Variants in SNRNP70 observed in about 807,000 individuals in gnomAD.
SNRNP70 encodes the protein small nuclear ribonucleoprotein U1 subunit 70, also known as U1 small nuclear ribonucleoprotein 70 kDa.
Under a neutral mutation model 50.5 loss-of-function variants are expected in SNRNP70, and 8 were observed. The ratio of observed to expected loss-of-function variants is 0.16; its 90% CI spans 0.09 to 0.29. The LOEUF is 0.29. Among genes scored for constraint, SNRNP70 ranks in the 10% least tolerant of loss-of-function variants. The probability of loss-of-function intolerance (pLI) is 1.00; values close to 1 mark genes in which losing one functional copy is unlikely to be tolerated. For missense variants in SNRNP70, 529 were observed against 663.5 expected (o/e 0.80, Z 2.23); for synonymous variants, 320 against 252.9 (o/e 1.27, Z -2.52).
intron 2 of SNRNP70, 76 bp from the exon 3 acceptor site, chr19:49,090,215 G>GT (rs1600272446): frequency 2.2e-6 from 3 of 1,338,708 alleles, no homozygotes; most frequent in Middle Eastern, 2.5e-4. Flanking sequence ...GGGTTAACCT[G>GT]TTTATTTCCT....
Position 49,104,309 on chromosome 19 carries a change from T to G in SNRNP70, c.476-325T>G. ...TTAACCTTCAGTTTCTTTGCAGCGA[T>G]TTTGGCCGCCCTGGCGGGAGGGGGC... is the stretch of plus-strand genomic sequence containing the variant. On this transcript the variant is annotated intron_variant, in intron 7 of 9. Transcript: ENST00000598441. This position sits in a 1 kb window ranked among gnomAD's most constrained non-coding sequence, Gnocchi z 5.4. The G allele has an allele frequency of 7.4e-5, 21 of 282,168 alleles. No individual in the cohort carries two copies. The highest frequency in any genetic ancestry group is 1.7e-4 in the East Asian group (2 of 12,034). The allele number at this position is 282,168 out of a possible 1,614,324, so 17.5% of individuals were successfully genotyped here.
Position 49,108,431 on chromosome 19 carries a change from T to G in SNRNP70, c.1302T>G (p.Ala434=). Residue 434 remains alanine, a synonymous_variant, in exon 10 of 10, where the codon GCT becomes GCG. Coordinates refer to ENST00000598441, the MANE Select transcript of SNRNP70 (RefSeq NM_003089.6). ...CGGAGAATGGGTATTTGATGGAGGC[T>G]GCGCCGGAGTGAAGAGGTCGTCCTC... ...LAPENGYLME[A]APE 1 of 1,602,900 alleles carries G rather than the reference T, an allele frequency of 6.2e-7. No homozygotes were observed. The highest frequency in any genetic ancestry group is 2.3e-5 in the East Asian group (1 of 44,112).
chr19:49,104,607 C>T lies in SNRNP70; in HGVS notation c.476-27C>T, dbSNP rs750189127. ...AGAGGACCCTCTGGGGACTCCTCTC[C>T]CCTCCCCCTCCCCACATCTGTTACA... On this transcript the variant is annotated intron_variant, in intron 7 of 9. Transcript: ENST00000598441. This position sits in a 1 kb window ranked among gnomAD's most constrained non-coding sequence, Gnocchi z 5.4. 3.9e-6 allele frequency: 6 copies of T among 1,527,174 alleles called. No homozygotes were observed. The South Asian group carries it at 6.0e-5, about 15-fold the overall frequency. 94.6% of individuals were successfully genotyped at this position (1,527,174 alleles called of 1,614,324 possible).
chr19:49,091,382 A>G (rs1296484674), intron 4 of SNRNP70, among the ~76,000 whole-genome samples: 1 of 152,020 alleles, frequency 6.6e-6, no homozygotes, highest in Non-Finnish European at 1.5e-5. Context: ...TAAAAAAAAA[A>G]AAGATTATAC....
chr19:49,088,557 C>T lies in SNRNP70; in HGVS notation c.148-1734C>T, dbSNP rs147441116. ...TGTTGCCCAGGCTGGAGTGCAGTGG[C>T]GTGATCTAGGCTCACTGCAACTTCC... On this transcript the variant is annotated intron_variant, in intron 2 of 9. Transcript: ENST00000598441. Among the ~76,000 whole-genome samples, 576 of 140,812 alleles carry T rather than the reference C, an allele frequency of 4.1e-3. 3 individuals are homozygous for T. Among genetic ancestry groups the T allele is most frequent in the African/African-American group, 0.013 (496 of 37,160 alleles). 92.4% of individuals were successfully genotyped at this position (140,812 alleles called of 152,430 possible).
intron 4 of SNRNP70, among the ~76,000 whole-genome samples, chr19:49,091,975 A>G (rs1411904391): frequency 1.3e-5 from 2 of 151,962 alleles, no homozygotes; most frequent in Non-Finnish European, 2.9e-5. Flanking sequence ...TCTCACCAAG[A>G]CCTATTTGTG....
At chr19:49,089,552 T>C (rs1378058366) in intron 2 of SNRNP70, among the ~76,000 whole-genome samples, 1 of 152,024 alleles carries the variant, frequency 6.6e-6, no homozygotes, top group African/African-American at 2.4e-5. Context: ...GTGAAATTAC[T>C]GTAGAAGTTC....
chr19:49,102,276 C>G, intron 7 of SNRNP70: 1 of 794,810 alleles, frequency 1.3e-6, no homozygotes, highest in Middle Eastern at 3.5e-4. Context: ...TCCTCCCACC[C>G]CAGTCGCCCC....
intron 4 of SNRNP70, among the ~76,000 whole-genome samples, chr19:49,097,119 A>G (rs1022528736): frequency 4.0e-5 from 6 of 151,106 alleles, no homozygotes; most frequent in African/African-American, 9.9e-5. Flanking sequence ...CAACAGAGCA[A>G]GACTCTGTTT....
At chr19:49,099,085 T>C (rs886164280) in intron 6 of SNRNP70, among the ~76,000 whole-genome samples, 4 of 152,190 alleles carry the variant, frequency 2.6e-5, no homozygotes, top group Non-Finnish European at 2.9e-5. Flanking sequence ...AGAATACCTA[T>C]GCTGAGTCCC....
rs755556247 is a variant in SNRNP70, at chr19:49,085,562, G to A, written c.-85G>A. The stretch of plus-strand genomic sequence containing the variant: ...CCCCGGAGTGGAAGCCGAAGCAGGA[G>A]TTGTTGTTGCTGAGGGGCTGCCGCA... On this transcript the variant is annotated 5_prime_UTR_variant, in exon 1 of 10. Transcript: ENST00000598441. 7 of 455,944 alleles carry A rather than the reference G, an allele frequency of 1.5e-5. No individual in the cohort carries two copies. Among genetic ancestry groups the A allele is most frequent in the Non-Finnish European group, 2.6e-5 (6 of 226,790 alleles). 28.2% of individuals were successfully genotyped at this position (455,944 alleles called of 1,614,324 possible).
At chr19:49,095,174 C>T (rs2040497441) in intron 4 of SNRNP70, among the ~76,000 whole-genome samples, 2 of 152,240 alleles carry the variant, frequency 1.3e-5, no homozygotes, top group Admixed American at 6.5e-5. Flanking sequence ...CCCCCCCACC[C>T]CGGGTAAGCA....
intron 7 of SNRNP70, 117 bp downstream of exon 7, chr19:49,101,588 TCTC>T (rs549507458): frequency 1.6e-4 from 112 of 706,070 alleles, no homozygotes; most frequent in African/African-American, 9.9e-4. Context: ...CGATGTCTCT[TCTC>T]CTCCTCCCTC....
At chr19:49,094,033 A>G (rs1281174050) in intron 4 of SNRNP70, among the ~76,000 whole-genome samples, 1 of 152,122 alleles carries the variant, frequency 6.6e-6, no homozygotes, top group African/African-American at 2.4e-5. Flanking sequence ...CAAAAAACAA[A>G]CAAGTAAGTT....
In SNRNP70 at chr19:49,090,323, T is replaced by C. The variant is rs745999103; in HGVS notation, c.180T>C (p.Ala60=). The C allele has an allele frequency of 1.2e-6, 2 of 1,614,106 alleles. No individual in the cohort carries two copies. Among genetic ancestry groups the C allele is most frequent in the South Asian group, 1.1e-5 (1 of 91,070 alleles). ...DPRDAPPPTR[A]ETREERMERK... ...GAGATGCCCCTCCTCCAACTCGTGC[T>C]GAAACCCGAGAGGAGCGCATGGAGA... The change falls in exon 3 of 10, where the codon GCT becomes GCC. Residue 60 remains alanine, a synonymous_variant. Transcript: ENST00000598441.
At chr19:49,086,008 C>T (rs530294793) in intron 1 of SNRNP70, among the ~76,000 whole-genome samples, 3 of 152,318 alleles carry the variant, frequency 2.0e-5, no homozygotes, top group Non-Finnish European at 2.9e-5. Context: ...AACTTCCGAT[C>T]CCCAGGACCC....
At position 49,090,746 on chromosome 19, in the gene SNRNP70, T is replaced by C. The variant is rs377440631; in HGVS notation, c.265+226T>C. 4.7e-4 allele frequency: 269 copies of C among 572,924 alleles called. 1 individual carries two copies. The highest frequency in any genetic ancestry group is 2.7e-3 in the Admixed American group (89 of 33,392). The allele number at this position is 572,924 out of a possible 1,614,324, so 35.5% of individuals were successfully genotyped here. ...GGCAGGAAGGGAGACCCCTGGTACC[T>C]TGGGCTCCTCCTGCATGGGAGGACA... On this transcript the variant is annotated intron_variant, in intron 4 of 9. Transcript: ENST00000598441.
chr19:49,090,575 TC>T, intron 4 of SNRNP70, 55 bp downstream of exon 4: 3 of 1,540,960 alleles, frequency 1.9e-6, no homozygotes, highest in African/African-American at 1.4e-5. Flanking sequence ...TCTGTATTCT[TC>T]CCAGGTCATA....
At chr19:49,088,040 C>T (rs1325928277) in intron 2 of SNRNP70, among the ~76,000 whole-genome samples, 1 of 151,656 alleles carries the variant, frequency 6.6e-6, no homozygotes, top group East Asian at 1.9e-4. Flanking sequence ...TACAGGCATG[C>T]ACCACCACGC....
Sources: allele counts gnomAD v4.1 joint callset (sites outside exome capture counted in the v4.1 genomes callset), GRCh38; gene constraint gnomAD v4.1.1; non-coding constraint Gnocchi (gnomAD v3.1); transcripts MANE v1.5; gene names NCBI Gene and HGNC (gene_info 2026-07-23, HGNC 2026-07-21).